POU2AF2: variants seen among roughly 807,000 people sequenced by gnomAD.
POU2AF2 encodes POU class 2 homeobox associating factor 2, also known as POU domain class 2-associating factor 2.
chr11:111,251,868 T>C, the POU2AF2 span, among the ~76,000 whole-genome samples: 1 of 152,264 alleles, frequency 6.6e-6, no homozygotes, highest in Admixed American at 6.5e-5. Context: ...CAGTGCCAAC[T>C]GGTACATAAG....
chr11:111,273,270 A>G, the POU2AF2 span, among the ~76,000 whole-genome samples: 166 of 152,134 alleles, frequency 1.1e-3, no homozygotes, highest in African/African-American at 2.9e-3. Context: ...ATCAGTGCCC[A>G]TTTAAAGACT....
the POU2AF2 span, chr11:111,284,205 C>T: frequency 6.2e-7 from 1 of 1,614,110 alleles, no homozygotes; most frequent in African/African-American, 1.3e-5. Flanking sequence ...CCCTGTGAGT[C>T]CTCCGCAGGG....
chr11:111,253,272 A>C, the POU2AF2 span, among the ~76,000 whole-genome samples: 1 of 152,204 alleles, frequency 6.6e-6, no homozygotes, highest in Non-Finnish European at 1.5e-5. Flanking sequence ...TTCCAAAGAT[A>C]CTGATCCTCT....
chr11:111,274,726 T>C, the POU2AF2 span, among the ~76,000 whole-genome samples: 7 of 151,558 alleles, frequency 4.6e-5, no homozygotes, highest in Admixed American at 1.3e-4. Flanking sequence ...TCCCTAAGTC[T>C]CCATTATACT....
At chr11:111,249,199 C>G in the POU2AF2 span, among the ~76,000 whole-genome samples, 1 of 152,148 alleles carries the variant, frequency 6.6e-6, no homozygotes, top group Non-Finnish European at 1.5e-5. Context: ...AACTCTTAAG[C>G]TCTCCTGGTG....
chr11:111,257,645 A>C, the POU2AF2 span, among the ~76,000 whole-genome samples: 1 of 151,958 alleles, frequency 6.6e-6, no homozygotes, highest in East Asian at 1.9e-4. Flanking sequence ...GAGTGCTGGG[A>C]TTACAGGCGT....
At chr11:111,265,520 A>T in the POU2AF2 span, among the ~76,000 whole-genome samples, 1 of 152,166 alleles carries the variant, frequency 6.6e-6, no homozygotes, top group Non-Finnish European at 1.5e-5. Context: ...GTTTCCTCCT[A>T]TGTAAATGGG....
chr11:111,282,618 T>C, the POU2AF2 span, among the ~76,000 whole-genome samples: 3 of 152,204 alleles, frequency 2.0e-5, no homozygotes, highest in South Asian at 6.2e-4. Flanking sequence ...GGAAAGATCA[T>C]TGTGACTCAG....
the POU2AF2 span, among the ~76,000 whole-genome samples, chr11:111,268,104 T>C: frequency 6.6e-6 from 1 of 151,812 alleles, no homozygotes; most frequent in Non-Finnish European, 1.5e-5. Flanking sequence ...AATTAAGGAG[T>C]TGGTCATACA....
chr11:111,249,610 ACCT>A, the POU2AF2 span, among the ~76,000 whole-genome samples: 5 of 151,920 alleles, frequency 3.3e-5, no homozygotes, highest in Non-Finnish European at 7.4e-5. Flanking sequence ...TTTTCTAAAG[ACCT>A]CCACCTTCCC....
the POU2AF2 span, among the ~76,000 whole-genome samples, chr11:111,261,364 G>A: frequency 1.7e-4 from 25 of 151,460 alleles, no homozygotes; most frequent in Admixed American, 5.3e-4. Context: ...GCTAAACATC[G>A]AATTATTTTC....
At chr11:111,246,184 A>G in the POU2AF2 span, among the ~76,000 whole-genome samples, 1 of 152,236 alleles carries the variant, frequency 6.6e-6, no homozygotes, top group Non-Finnish European at 1.5e-5. Context: ...TTCTTTTCCA[A>G]TATATAGTGA....
chr11:111,276,455 T>A, the POU2AF2 span, among the ~76,000 whole-genome samples: 7,938 of 23,138 alleles, frequency 0.34, 475 homozygotes, highest in Non-Finnish European at 0.4. Flanking sequence ...AAAAAAAAAA[T>A]ATATATATAT....
chr11:111,276,453 A>AAAAAAATATAT, the POU2AF2 span, among the ~76,000 whole-genome samples: 51 of 37,624 alleles, frequency 1.4e-3, no homozygotes, highest in Non-Finnish European at 2.1e-3. Context: ...AAAAAAAAAA[A>AAAAAAATATAT]ATATATATAT....
At chr11:111,275,951 T>C in the POU2AF2 span, among the ~76,000 whole-genome samples, 18 of 152,242 alleles carry the variant, frequency 1.2e-4, no homozygotes, top group Middle Eastern at 6.8e-3. Context: ...TGCCAATCTC[T>C]ACCAAAATAT....
At chr11:111,284,415 G>T in the POU2AF2 span, 1 of 1,541,380 alleles carries the variant, frequency 6.5e-7, no homozygotes. Context: ...GAGTAAAAGA[G>T]GGGCGAGGCT....
At chr11:111,278,568 C>G in the POU2AF2 span, among the ~76,000 whole-genome samples, 7 of 92,292 alleles carry the variant, frequency 7.6e-5, no homozygotes, top group Non-Finnish European at 1.8e-4. Flanking sequence ...CTCTCTCTCT[C>G]TCTCTCTCTC....
the POU2AF2 span, among the ~76,000 whole-genome samples, chr11:111,281,968 A>G: frequency 6.6e-6 from 1 of 152,324 alleles, no homozygotes; most frequent in South Asian, 2.1e-4. Flanking sequence ...ATTCCCTAAT[A>G]GTTTTATCAC....
the POU2AF2 span, chr11:111,285,816 G>C: frequency 1.2e-6 from 2 of 1,608,158 alleles, no homozygotes; most frequent in Admixed American, 3.4e-5. Flanking sequence ...TCCCTGGCTG[G>C]GGCTCAGTCA....
Sources: gnomAD v4.1 joint callset for allele counts (sites outside exome capture counted in the v4.1 genomes callset) on GRCh38, gnomAD v4.1.1 for gene constraint, MANE v1.5 for transcripts, NCBI Gene and HGNC (gene_info 2026-07-23, HGNC 2026-07-21) for gene names.